The following RHBDF2 variants were observed in gnomAD, a reference collection of about 807,000 sequenced individuals.
RHBDF2 encodes the protein inactive rhomboid protein 2.
RHBDF2 carries 38 observed loss-of-function variants against 95.2 expected under a neutral mutation model. The ratio of observed to expected loss-of-function variants is 0.40; its 90% CI spans 0.31 to 0.52. The LOEUF (loss-of-function observed/expected upper bound fraction) is 0.52, where lower values mean the gene tolerates loss of function less well. Ranked by LOEUF, RHBDF2 falls within the 20% of genes least tolerant of loss-of-function variation. RHBDF2 has a pLI of 0.56. For synonymous variants in RHBDF2, 442 were observed against 462.0 expected (o/e 0.96, Z 0.55); for missense variants, 863 against 1,137.7 (o/e 0.76, Z 3.47).
intron 6 of RHBDF2, 39 bp downstream of exon 6, chr17:76,478,767 C>T (rs575260885): frequency 1.2e-5 from 19 of 1,554,286 alleles, no homozygotes; most frequent in South Asian, 5.8e-5. Context: ...GAAGGGAGGC[C>T]GGGCAGAGGT....
chr17:76,473,725 G>A lies in RHBDF2; in HGVS notation c.1656C>T (p.Ala552=). 1.2e-6 allele frequency: 2 copies of A among 1,611,876 alleles called. No individual in the cohort carries two copies. The highest frequency in any genetic ancestry group is 1.7e-6 in the Non-Finnish European group (2 of 1,179,132). Residue 552 remains alanine (A), a synonymous_variant, in exon 15 of 19, where the codon GCC becomes GCT. Coordinates refer to ENST00000675367, the MANE Select transcript of RHBDF2 (RefSeq NM_001005498.4). ...GCAGGAAGCCTGTGTGGTTGCTCCT[G>A]GCCTGCTCTGTGCAGATCTGCCAGG... ...ITKWPICTEQ[A]RSNHTGFLHM...
At chr17:76,484,302 G>A (rs1380401999) in intron 2 of RHBDF2, among the ~76,000 whole-genome samples, 3 of 152,018 alleles carry the variant, frequency 2.0e-5, no homozygotes, top group Admixed American at 1.3e-4. Context: ...CCCCCCAGCT[G>A]TTTCCTCTCC....
At chr17:76,473,411 C>T (rs1328775336) in intron 15 of RHBDF2, 84 bp from the exon 16 acceptor site, 8 of 1,281,282 alleles carry the variant, frequency 6.2e-6, no homozygotes, top group Non-Finnish European at 8.9e-6. Flanking sequence ...CACCTGGCTA[C>T]AGGAGGCATC....
chr17:76,496,830 C>T (rs1191678042), intron 1 of RHBDF2, among the ~76,000 whole-genome samples: 1 of 152,096 alleles, frequency 6.6e-6, no homozygotes, highest in African/African-American at 2.4e-5. Context: ...AGGGTGATCT[C>T]GGCTCACTGT....
Position 76,481,530 on chromosome 17 carries a change from G to A in RHBDF2, c.-6C>T. 2 of 1,606,754 alleles carry A rather than the reference G, an allele frequency of 1.2e-6. No individual in the cohort carries two copies. The highest frequency in any genetic ancestry group is 1.7e-6 in the Non-Finnish European group (2 of 1,179,146). ...TTCTTGTCAGCAGAGGCCATTGTGGGCAGGAGGCGGGAGGGCTGGAATGGA... is the reference window on the plus strand; with the variant it reads ...TTCTTGTCAGCAGAGGCCATTGTGGACAGGAGGCGGGAGGGCTGGAATGGA... On this transcript the variant is annotated 5_prime_UTR_variant, in exon 3 of 19. Transcript: ENST00000675367.
chr17:76,479,495 A>AC, intron 4 of RHBDF2: 1 of 780,180 alleles, frequency 1.3e-6, no homozygotes, highest in Non-Finnish European at 2.2e-6. Flanking sequence ...AGGCACCCCC[A>AC]CACTGATCCA....
At chr17:76,473,461 T>C in intron 15 of RHBDF2, 134 bp from the exon 16 acceptor site, 1 of 988,852 alleles carries the variant, frequency 1.0e-6, no homozygotes, top group Non-Finnish European at 1.5e-6. Flanking sequence ...AACCTTCGAC[T>C]CTGGAGCAAG....
At chr17:76,485,581 G>A (rs1264758977) in intron 2 of RHBDF2, among the ~76,000 whole-genome samples, 1 of 152,132 alleles carries the variant, frequency 6.6e-6, no homozygotes, top group Non-Finnish European at 1.5e-5. Context: ...GCGACAGAGT[G>A]AGACTCCGTC....
rs747898492 is a variant in RHBDF2, at chr17:76,477,766, G to A, written c.692C>T (p.Ala231Val). Residue 231 changes from alanine (A) to valine (V), a missense_variant, in exon 7 of 19, where the codon GCC (alanine) becomes GTC (valine). This residue lies in a region of RHBDF2 where 611 missense variants were observed against 725.5 expected (regional missense o/e 0.84). Transcript: ENST00000675367. ...ALLKGRSVLD[A>V]TGQRCRVVKR... is the part of the protein sequence containing the mutation. ...GACCACCCGGCACCGCTGTCCGGTGGCATCCAGCACCGAGCGCCCCTGTGC... is the reference window on the plus strand; with the variant it reads ...GACCACCCGGCACCGCTGTCCGGTGACATCCAGCACCGAGCGCCCCTGTGC... 5.0e-6 allele frequency: 8 copies of A among 1,612,244 alleles called. No individual in the cohort carries two copies. The African/African-American group carries it at 9.3e-5, about 19-fold the overall frequency.
At chr17:76,497,160 T>C (rs11872013) in intron 1 of RHBDF2, among the ~76,000 whole-genome samples, 149,194 of 152,274 alleles carry the variant, frequency 0.98, 73,170 homozygotes, top group Middle Eastern at 1. Flanking sequence ...AAGCCATCCC[T>C]GCACCACCTG....
intron 1 of RHBDF2, among the ~76,000 whole-genome samples, chr17:76,496,909 A>T (rs554852331): frequency 6.6e-6 from 1 of 152,112 alleles, no homozygotes; most frequent in Non-Finnish European, 1.5e-5. Context: ...CTACAGGTGC[A>T]TGCCACCACA....
intron 1 of RHBDF2, among the ~76,000 whole-genome samples, chr17:76,498,848 GTGTGTGTCTC>G (rs2074504129): frequency 6.7e-6 from 1 of 148,852 alleles, no homozygotes; most frequent in African/African-American, 2.5e-5. Context: ...CTGTGTGTTT[GTGTGTGTCTC>G]TGTGTGTCTG....
chr17:76,473,811 C>G lies in RHBDF2; in HGVS notation c.1638+28G>C, dbSNP rs760750916. 5 of 1,613,746 alleles carry G rather than the reference C, an allele frequency of 3.1e-6. No homozygotes were observed. In the South Asian group the frequency reaches 4.4e-5, roughly 14 times the overall value. ...GCAGGTCCCCCATCCCTGACCTTCC[C>G]AGACCACTCCCCGCCAGGGACACTC... On this transcript the variant is annotated intron_variant, in intron 14 of 18. Transcript: ENST00000675367.
intron 2 of RHBDF2, among the ~76,000 whole-genome samples, chr17:76,484,446 C>T (rs182784936): frequency 2.6e-5 from 4 of 151,870 alleles, no homozygotes; most frequent in South Asian, 2.1e-4. Context: ...CACGGGTCGG[C>T]GAGACAGCAG....
At chr17:76,492,456 A>T (rs187660554) in intron 1 of RHBDF2, among the ~76,000 whole-genome samples, 101 of 152,270 alleles carry the variant, frequency 6.6e-4, no homozygotes, top group African/African-American at 2.2e-3. Context: ...CTCCCAACCA[A>T]GCCTGTTCCG....
rs1170955783 is a variant in RHBDF2, at chr17:76,477,731, A to G, written c.727T>C (p.Phe243Leu). 1.2e-6 allele frequency: 2 copies of G among 1,613,864 alleles called. No individual in the cohort carries two copies. Among genetic ancestry groups the G allele is most frequent in the South Asian group, 2.2e-5 (2 of 91,080 alleles). Reference protein sequence around the residue: ...GQRCRVVKRSFAFPSFLEEDV... With the variant: ...GQRCRVVKRSLAFPSFLEEDV... ...TCCTCCAGGAAGCTCGGGAAGGCAA[A>G]GCTGCGCTTGACCACCCGGCACCGC... The change falls in exon 7 of 19, where the codon TTT becomes CTT. Residue 243 changes from phenylalanine to leucine, a missense_variant. Phe to Leu is a conservative substitution (Grantham distance 22, BLOSUM62 0). Transcript: ENST00000675367.
intron 9 of RHBDF2, chr17:76,476,243 T>C (rs1306745958): frequency 1.3e-5 from 2 of 152,318 alleles, no homozygotes; most frequent in African/African-American, 4.8e-5. Context: ...CAGTGTTTAT[T>C]GGGCTGCTGC....
chr17:76,474,205 A>G, intron 12 of RHBDF2, 63 bp from the exon 13 acceptor site: 1 of 1,362,638 alleles, frequency 7.3e-7, no homozygotes, highest in South Asian at 1.3e-5. Flanking sequence ...TGGAGTGGGC[A>G]AGGACAGAGG....
chr17:76,481,587 T>G (rs1598675173), intron 2 of RHBDF2, 42 bp from the exon 3 acceptor site: 1 of 1,546,252 alleles, frequency 6.5e-7, no homozygotes, highest in Admixed American at 1.8e-5. Context: ...CGGTGCGGGG[T>G]GGCGCAGTGT....
Sources: allele counts gnomAD v4.1 joint callset (sites outside exome capture counted in the v4.1 genomes callset), GRCh38; gene constraint gnomAD v4.1.1; regional missense constraint gnomAD v4.1.1; transcripts MANE v1.5; gene names NCBI Gene and HGNC (gene_info 2026-07-23, HGNC 2026-07-21).